The following NKAIN3 variants were observed in gnomAD, a reference collection of about 807,000 sequenced individuals.
NKAIN3 encodes sodium/potassium-transporting ATPase subunit beta-1-interacting protein 3.
A neutral mutation model predicts 30.2 loss-of-function variants in NKAIN3; 25 were observed. The ratio of observed to expected loss-of-function variants is 0.83; its 90% CI spans 0.60 to 1.16. The LOEUF (loss-of-function observed/expected upper bound fraction) is 1.16, where lower values mean the gene tolerates loss of function less well. Among genes scored for constraint, NKAIN3 ranks in the 50% most tolerant of loss-of-function variants. The pLI, the probability that NKAIN3 is intolerant of heterozygous loss-of-function variation, is 0.00. For missense variants in NKAIN3, 225 were observed against 254.1 expected, an observed-to-expected ratio of 0.89 and a Z score of 0.78; for synonymous variants, 91 against 89.6, an observed-to-expected ratio of 1.02 and a Z score of -0.09.
At chr8:62,770,940 T>G (rs1227064609) in intron 4 of NKAIN3, among the ~76,000 whole-genome samples, 1 of 151,952 alleles carries the variant, frequency 6.6e-6, no homozygotes, top group Non-Finnish European at 1.5e-5. Context: ...TGAGATATAT[T>G]ATCTAAAATA....
chr8:62,506,476 C>CTTTCTTTCTTTTTTTTTTTTTTT (rs71559373), intron 1 of NKAIN3, among the ~76,000 whole-genome samples: 16 of 98,434 alleles, frequency 1.6e-4, no homozygotes, highest in East Asian at 3.0e-4. Flanking sequence ...TTCTTTCTTT[C>CTTTCTTTCTTTTTTTTTTTTTTT]TTTTTTTTTT....
intron 4 of NKAIN3, among the ~76,000 whole-genome samples, chr8:62,849,547 C>T (rs539517276): frequency 6.0e-4 from 91 of 151,624 alleles, no homozygotes; most frequent in African/African-American, 2.1e-3. Flanking sequence ...GTGCTGCACC[C>T]ATTAACTCAT....
At chr8:62,759,982 T>C (rs556354688) in intron 4 of NKAIN3, among the ~76,000 whole-genome samples, 1 of 152,270 alleles carries the variant, frequency 6.6e-6, no homozygotes, top group South Asian at 2.1e-4. Flanking sequence ...AACAGATACT[T>C]CTCAAAAGAA....
chr8:62,428,071 A>G (rs1585797483), intron 1 of NKAIN3, among the ~76,000 whole-genome samples: 1 of 151,864 alleles, frequency 6.6e-6, no homozygotes, highest in East Asian at 1.9e-4. Flanking sequence ...TTTAGCTTCT[A>G]CGTGTGCATG....
intron 3 of NKAIN3, among the ~76,000 whole-genome samples, chr8:62,613,259 C>T (rs927330249): frequency 5.9e-5 from 9 of 151,990 alleles, no homozygotes; most frequent in Non-Finnish European, 1.2e-4. Flanking sequence ...ATTTATTTTT[C>T]CTTCATGTTT....
chr8:62,863,928 TGTG>T (rs1820336673), intron 4 of NKAIN3: 1 of 1,125,488 alleles, frequency 8.9e-7, no homozygotes, highest in South Asian at 1.2e-5. Context: ...GCTCTGGTGG[TGTG>T]GGGTCTGCCA....
At chr8:62,693,272 A>T (rs916534026) in intron 3 of NKAIN3, among the ~76,000 whole-genome samples, 4 of 152,226 alleles carry the variant, frequency 2.6e-5, no homozygotes, top group Non-Finnish European at 5.9e-5. Context: ...TAAGTAAAAA[A>T]TTATTTTTTG....
intron 1 of NKAIN3, among the ~76,000 whole-genome samples, chr8:62,541,433 C>T (rs1808837540): frequency 6.6e-6 from 1 of 152,148 alleles, no homozygotes; most frequent in Non-Finnish European, 1.5e-5. Flanking sequence ...TTAATAGAAT[C>T]CTCTTTTTGT....
intron 3 of NKAIN3, among the ~76,000 whole-genome samples, chr8:62,711,793 T>A (rs1814728731): frequency 6.6e-6 from 1 of 152,180 alleles, no homozygotes; most frequent in African/African-American, 2.4e-5. Context: ...CTAGTGTGAT[T>A]TTTTGGGAGC....
chr8:62,593,013 C>G (rs1810705867), intron 3 of NKAIN3, among the ~76,000 whole-genome samples: 1 of 151,910 alleles, frequency 6.6e-6, no homozygotes, highest in South Asian at 2.1e-4. Context: ...GAGTTTAATA[C>G]TCCTTTCTTG....
At chr8:62,561,170 C>T (rs1809565234) in intron 1 of NKAIN3, among the ~76,000 whole-genome samples, 1 of 152,080 alleles carries the variant, frequency 6.6e-6, no homozygotes, top group Admixed American at 6.6e-5. Flanking sequence ...ACCAATTTTA[C>T]CTCTTCCAAA....
intron 1 of NKAIN3, among the ~76,000 whole-genome samples, chr8:62,305,466 T>C (rs765235953): frequency 6.6e-6 from 1 of 150,618 alleles, no homozygotes; most frequent in East Asian, 1.9e-4. Flanking sequence ...TTAGTTAGGA[T>C]ACACATGGAC....
At chr8:62,411,948 A>C (rs1014859918) in intron 1 of NKAIN3, among the ~76,000 whole-genome samples, 11 of 152,238 alleles carry the variant, frequency 7.2e-5, no homozygotes, top group Non-Finnish European at 1.0e-4. Context: ...TTATGGATTA[A>C]AAGAATTAAT....
intron 4 of NKAIN3, among the ~76,000 whole-genome samples, chr8:62,850,961 A>T (rs1419965881): frequency 6.6e-6 from 1 of 151,968 alleles, no homozygotes; most frequent in Non-Finnish European, 1.5e-5. Flanking sequence ...TTCCATATGA[A>T]CTTTAAAGTA....
At chr8:62,251,900 A>G (rs1188256756) in intron 1 of NKAIN3, among the ~76,000 whole-genome samples, 1 of 152,216 alleles carries the variant, frequency 6.6e-6, no homozygotes, top group Non-Finnish European at 1.5e-5. Flanking sequence ...CAGCAAAATA[A>G]TTAGGAAGGA....
intron 4 of NKAIN3, chr8:62,857,218 C>T (rs1820089201): frequency 4.3e-6 from 1 of 233,980 alleles, no homozygotes; most frequent in Non-Finnish European, 8.4e-6. Context: ...CTGTTATTCT[C>T]ATGGGCTTCC....
chr8:62,863,950 G>A (rs1820337678), intron 4 of NKAIN3: 1 of 885,904 alleles, frequency 1.1e-6, no homozygotes, highest in Non-Finnish European at 1.9e-6. Flanking sequence ...CAAAGGTGGC[G>A]GTGGTGGTGG....
At chr8:62,720,077 GA>G (rs113985503) in intron 3 of NKAIN3, among the ~76,000 whole-genome samples, 5,139 of 152,084 alleles carry the variant, frequency 0.034, 118 homozygotes, top group Middle Eastern at 0.082. Flanking sequence ...TCAGATGCAA[GA>G]ATTATCACAA....
intron 3 of NKAIN3, among the ~76,000 whole-genome samples, chr8:62,636,922 T>C (rs1253333928): frequency 6.6e-6 from 1 of 152,208 alleles, no homozygotes; most frequent in Admixed American, 6.5e-5. Context: ...CTCTCACTTA[T>C]AATTGCTTGA....
Sources: gnomAD v4.1 joint callset for allele counts (sites outside exome capture counted in the v4.1 genomes callset) on GRCh38, gnomAD v4.1.1 for gene constraint, MANE v1.5 for transcripts, NCBI Gene and HGNC (gene_info 2026-07-23, HGNC 2026-07-21) for gene names.